TMTC1: variants seen among roughly 807,000 people sequenced by gnomAD.
TMTC1 encodes the protein transmembrane O-mannosyltransferase targeting cadherins 1.
Under a neutral mutation model 104.8 loss-of-function variants are expected in TMTC1, and 73 were observed. The observed-to-expected ratio is 0.70, with a 90% CI of 0.58 to 0.85. The LOEUF is 0.85. Ranked by LOEUF, TMTC1 falls within the 40% of genes least tolerant of loss-of-function variation. The pLI is 0.00. For missense variants in TMTC1, 1,035 were observed against 1,096.1 expected (o/e 0.94, Z 0.79); for synonymous variants, 434 against 428.7 (o/e 1.01, Z -0.15).
intron 6 of TMTC1, among the ~76,000 whole-genome samples, chr12:29,616,861 A>G (rs1297436129): frequency 6.6e-6 from 1 of 152,056 alleles, no homozygotes; most frequent in Non-Finnish European, 1.5e-5. Context: ...TCGTTAAACC[A>G]TATCAGTGTT....
intron 11 of TMTC1, among the ~76,000 whole-genome samples, chr12:29,529,050 T>C (rs556455132): frequency 1.3e-4 from 20 of 152,268 alleles, no homozygotes; most frequent in Non-Finnish European, 2.4e-4. Context: ...GGTTGGAATA[T>C]ATAAAGAAAA....
At chr12:29,547,816 C>G (rs1331048877) in intron 10 of TMTC1, among the ~76,000 whole-genome samples, 1 of 152,132 alleles carries the variant, frequency 6.6e-6, no homozygotes, top group Non-Finnish European at 1.5e-5. Flanking sequence ...TTAGCTGTCC[C>G]TAAATTTATA....
At chr12:29,725,232 G>A (rs1272990698) in intron 5 of TMTC1, among the ~76,000 whole-genome samples, 1 of 151,128 alleles carries the variant, frequency 6.6e-6, no homozygotes, top group African/African-American at 2.4e-5. Context: ...TCACCATGTT[G>A]GCCAGGCTGG....
At chr12:29,609,550 T>A (rs1946789167) in intron 6 of TMTC1, among the ~76,000 whole-genome samples, 1 of 152,240 alleles carries the variant, frequency 6.6e-6, no homozygotes, top group Non-Finnish European at 1.5e-5. Flanking sequence ...CTCAGGTTTA[T>A]TTAAAATATT....
Position 29,568,359 on chromosome 12 carries a change from T to C in TMTC1, c.1532+3746A>G, listed in dbSNP as rs1309595494. Among the ~76,000 whole-genome samples, 9 of 152,170 alleles carry C rather than the reference T, an allele frequency of 5.9e-5. No individual in the cohort carries two copies. The South Asian group carries it at 1.9e-3, about 32-fold the overall frequency. The stretch of plus-strand genomic sequence containing the variant: ...GAAAATGCTCAAAAAGGAAAGAAGT[T>C]CAAAAAAATCACTGTTGAATTAGAT... On this transcript the variant is annotated intron_variant, in intron 9 of 17. Coordinates refer to ENST00000539277, the MANE Select transcript of TMTC1 (RefSeq NM_001193451.2).
Position 29,783,374 on chromosome 12 carries a change from C to G in TMTC1, c.302+76G>C. The stretch of plus-strand genomic sequence containing the variant: ...AAATGAAATGCCCCCAAGTCAGTCC[C>G]GCAACTTCTCCCGGTCCGAGGGACG... On this transcript the variant is annotated intron_variant, in intron 1 of 17. Transcript: ENST00000539277. The surrounding 1 kb of genome is among the most constrained non-coding windows in gnomAD (Gnocchi z 4.7). 6.5e-6 allele frequency: 8 copies of G among 1,238,334 alleles called. No individual in the cohort carries two copies. Among genetic ancestry groups the G allele is most frequent in the Non-Finnish European group, 8.2e-6 (8 of 980,552 alleles). 76.7% of individuals were successfully genotyped at this position (1,238,334 alleles called of 1,614,324 possible). A position where few individuals can be genotyped will look rare whatever the true frequency, so the allele number is the denominator to read the frequency against.
intron 7 of TMTC1, among the ~76,000 whole-genome samples, chr12:29,594,215 C>T (rs1946352128): frequency 2.6e-5 from 4 of 152,358 alleles, no homozygotes; most frequent in Admixed American, 6.5e-5. Context: ...ACCACCTTCT[C>T]TACTCTTCTA....
chr12:29,604,145 G>A (rs375706991), intron 7 of TMTC1, 33 bp downstream of exon 7: 2 of 1,611,208 alleles, frequency 1.2e-6, no homozygotes, highest in Non-Finnish European at 1.7e-6. Flanking sequence ...CAGAGGGCAG[G>A]TCTTGTAGGA....
intron 11 of TMTC1, chr12:29,533,432 T>C (rs531233876): frequency 1.2e-4 from 18 of 152,314 alleles, no homozygotes; most frequent in African/African-American, 3.4e-4. Context: ...TTTCCTTTTT[T>C]GATATTATAG....
chr12:29,730,887 G>A (rs1028359385), intron 5 of TMTC1, among the ~76,000 whole-genome samples: 9 of 152,120 alleles, frequency 5.9e-5, no homozygotes, highest in African/African-American at 2.2e-4. Context: ...GTTAGTGTTT[G>A]TTAATATGAA....
At chr12:29,641,548 C>G (rs1169172843) in intron 5 of TMTC1, among the ~76,000 whole-genome samples, 1 of 152,118 alleles carries the variant, frequency 6.6e-6, no homozygotes, top group African/African-American at 2.4e-5. Context: ...GGGGAGAGTA[C>G]TTCATCAAGG....
intron 12 of TMTC1, 130 bp from the exon 13 acceptor site, chr12:29,518,737 AAATT>A: frequency 5.1e-6 from 6 of 1,181,248 alleles, no homozygotes; most frequent in African/African-American, 1.5e-5. Flanking sequence ...TTCAATATGC[AAATT>A]AGCTTGCATT....
intron 15 of TMTC1, among the ~76,000 whole-genome samples, chr12:29,515,084 T>C (rs966293856): frequency 3.3e-5 from 5 of 152,170 alleles, no homozygotes; most frequent in Admixed American, 2.0e-4. Flanking sequence ...AAAATAACTT[T>C]CTTACACTCC....
intron 7 of TMTC1, among the ~76,000 whole-genome samples, chr12:29,591,382 C>G (rs1471510404): frequency 6.6e-6 from 1 of 152,150 alleles, no homozygotes; most frequent in East Asian, 1.9e-4. Context: ...CAGAGTCCGG[C>G]TTGCTCTGGT....
chr12:29,530,485 C>A (rs1285915431), intron 11 of TMTC1, among the ~76,000 whole-genome samples: 1 of 152,120 alleles, frequency 6.6e-6, no homozygotes, highest in Non-Finnish European at 1.5e-5. Flanking sequence ...GCATAGGGTG[C>A]CTCTGCATTT....
At chr12:29,643,952 T>C (rs1435273527) in intron 5 of TMTC1, among the ~76,000 whole-genome samples, 74 of 114,116 alleles carry the variant, frequency 6.5e-4, no homozygotes, top group Non-Finnish European at 9.5e-4. Flanking sequence ...TTTAAATATA[T>C]ATTTATATAT....
At chr12:29,732,178 G>A (rs545714135) in intron 5 of TMTC1, among the ~76,000 whole-genome samples, 1 of 152,190 alleles carries the variant, frequency 6.6e-6, no homozygotes, top group African/African-American at 2.4e-5. Context: ...AATCAGTAAA[G>A]CAATACTAAA....
At chr12:29,553,934 T>C (rs12307107) in intron 10 of TMTC1, among the ~76,000 whole-genome samples, 5,345 of 152,284 alleles carry the variant, frequency 0.035, 278 homozygotes, top group African/African-American at 0.12. Context: ...AACTGTAGAA[T>C]AGCATTCCTA....
intron 5 of TMTC1, among the ~76,000 whole-genome samples, chr12:29,672,569 GA>G (rs142989667): frequency 0.069 from 10,551 of 152,174 alleles, 1,270 homozygotes; most frequent in African/African-American, 0.24. Flanking sequence ...AGAGAGAGGA[GA>G]AAGTCCCATT....
Sources: gnomAD v4.1 joint callset for allele counts (sites outside exome capture counted in the v4.1 genomes callset) on GRCh38, gnomAD v4.1.1 for gene constraint, Gnocchi (gnomAD v3.1) non-coding constraint, MANE v1.5 for transcripts, NCBI Gene and HGNC (gene_info 2026-07-23, HGNC 2026-07-21) for gene names.